The following MRPL13 variants were observed in gnomAD, a reference collection of about 807,000 sequenced individuals.
MRPL13 encodes mitochondrial ribosomal protein L13.
In MRPL13, 33 loss-of-function variants were observed where a neutral mutation model predicts 29.0. The observed-to-expected ratio is 1.14, with a 90% CI of 0.86 to 1.52. MRPL13 has a LOEUF of 1.52. MRPL13 is among the 40% of genes most tolerant of loss of function. MRPL13 has a pLI of 0.00. For missense variants in MRPL13, 227 were observed against 216.7 expected (o/e 1.05, Z -0.30); for synonymous variants, 77 against 68.4 (o/e 1.13, Z -0.62).
chr8:120,420,035 A>G (rs1385159854), intron 4 of MRPL13, 97 bp from the exon 5 acceptor site: 6 of 706,082 alleles, frequency 8.5e-6, no homozygotes, highest in Non-Finnish European at 1.3e-5. Flanking sequence ...AGGGGTTTAG[A>G]TTCAACACGA....
At chr8:120,431,286 T>G (rs143531943) in intron 3 of MRPL13, among the ~76,000 whole-genome samples, 1 of 152,170 alleles carries the variant, frequency 6.6e-6, no homozygotes, top group Non-Finnish European at 1.5e-5. Flanking sequence ...AAAGTACACT[T>G]AATTAAATGT....
chr8:120,413,518 C>G (rs187796909), intron 6 of MRPL13, among the ~76,000 whole-genome samples: 98 of 152,310 alleles, frequency 6.4e-4, no homozygotes, highest in South Asian at 2.3e-3. Flanking sequence ...AATGTTACAT[C>G]TTAGCAGCTT....
intron 2 of MRPL13, among the ~76,000 whole-genome samples, chr8:120,433,047 A>T (rs918474366): frequency 6.6e-6 from 1 of 152,144 alleles, no homozygotes; most frequent in African/African-American, 2.4e-5. Flanking sequence ...ACAGACGTTC[A>T]TAGTCTATAT....
intron 4 of MRPL13, among the ~76,000 whole-genome samples, chr8:120,422,374 C>T (rs1812882914): frequency 6.6e-6 from 1 of 151,286 alleles, no homozygotes; most frequent in African/African-American, 2.4e-5. Flanking sequence ...AAGTTTAGGT[C>T]TATCAATAGC....
At chr8:120,406,947 T>C (rs953796368) in intron 6 of MRPL13, among the ~76,000 whole-genome samples, 68 of 152,324 alleles carry the variant, frequency 4.5e-4, no homozygotes, top group African/African-American at 1.6e-3. Context: ...AACAGAACTT[T>C]AAAAAGCCTC....
At chr8:120,443,617 CT>C (rs80023422) in intron 1 of MRPL13, among the ~76,000 whole-genome samples, 2,911 of 137,136 alleles carry the variant, frequency 0.021, 57 homozygotes, top group African/African-American at 0.066. Flanking sequence ...TACGGTATGA[CT>C]TTTTTTTTTT....
In MRPL13 at chr8:120,401,168, T is replaced by G. The variant is rs571364136; in HGVS notation, c.516-5043A>C. On this transcript the variant is annotated intron_variant, in intron 6 of 6. Coordinates refer to ENST00000306185, the MANE Select transcript of MRPL13 (RefSeq NM_014078.6). The stretch of plus-strand genomic sequence containing the variant: ...TTATTTTATGAGGCCAGCATAATCC[T>G]AATACCAAAATCTAGCAGAGGTACA... Among the ~76,000 whole-genome samples, 17 of 152,278 alleles carry G rather than the reference T, an allele frequency of 1.1e-4. 1 individual carries two copies. The highest frequency in any genetic ancestry group is 3.4e-3 in the Middle Eastern group (1 of 294).
rs554556305 is a variant in MRPL13 at position 120,437,861 on chromosome 8, A to G, written c.151+5324T>C. ...ATTTGTAATATTATTTTTCTGGGAA[A>G]CTGTAGGTCAATTTTCAAAAAAAAT... On this transcript the variant is annotated intron_variant, in intron 2 of 6. Transcript: ENST00000306185. 5.9e-5 allele frequency among the ~76,000 whole-genome samples: 9 copies of G among 152,264 alleles called. No homozygotes were observed. The South Asian group carries it at 1.9e-3, about 32-fold the overall frequency.
At chr8:120,412,797 G>A (rs927150846) in intron 6 of MRPL13, among the ~76,000 whole-genome samples, 6 of 152,034 alleles carry the variant, frequency 3.9e-5, no homozygotes, top group Admixed American at 3.9e-4. Flanking sequence ...TGCAAGAAGG[G>A]GCATTCCAGC....
At chr8:120,396,215 A>C in intron 6 of MRPL13, 90 bp from the exon 7 acceptor site, 1 of 1,008,282 alleles carries the variant, frequency 9.9e-7, no homozygotes, top group South Asian at 1.5e-5. Context: ...TAAAATAAAA[A>C]TAACTGTTCA....
At chr8:120,402,813 C>G (rs1812615629) in intron 6 of MRPL13, among the ~76,000 whole-genome samples, 1 of 151,774 alleles carries the variant, frequency 6.6e-6, no homozygotes, top group Non-Finnish European at 1.5e-5. Flanking sequence ...AAAAAATAAC[C>G]CCATTAAAAA....
intron 4 of MRPL13, among the ~76,000 whole-genome samples, chr8:120,423,902 T>C (rs1048921271): frequency 7.9e-5 from 12 of 152,086 alleles, no homozygotes; most frequent in Non-Finnish European, 8.8e-5. Context: ...AGAAAGCTTG[T>C]AGATTGGGAG....
Position 120,445,068 on chromosome 8 carries a change from C to G in MRPL13, c.27G>C (p.Gln9His), listed in dbSNP as rs773318401. ...TCAAGCCATAAGAGTCCGAGCTCAC[C>G]TGGGGCGCCCTAGAGAAACTCGACA... MSSFSRAP[Q>H]QWATFARIWY... is the part of the protein sequence containing the mutation. The change falls in exon 1 of 7, where the codon CAG becomes CAC. Residue 9 changes from glutamine to histidine, a missense_variant and splice_region_variant. Transcript: ENST00000306185. 1.9e-6 allele frequency: 3 copies of G among 1,613,876 alleles called. No homozygotes were observed. Among genetic ancestry groups the G allele is most frequent in the Non-Finnish European group, 2.5e-6 (3 of 1,179,958 alleles).
chr8:120,444,586 G>GT (rs1227385030), intron 1 of MRPL13, among the ~76,000 whole-genome samples: 1 of 152,072 alleles, frequency 6.6e-6, no homozygotes, highest in Non-Finnish European at 1.5e-5. Context: ...CTGGATTACT[G>GT]TAACACCCTC....
intron 5 of MRPL13, among the ~76,000 whole-genome samples, chr8:120,417,607 T>C (rs1244944531): frequency 6.6e-6 from 1 of 152,184 alleles, no homozygotes; most frequent in East Asian, 1.9e-4. Context: ...CCCTTATTAT[T>C]ACCATGTGTT....
chr8:120,438,309 G>A (rs1813078124), intron 2 of MRPL13, among the ~76,000 whole-genome samples: 1 of 152,204 alleles, frequency 6.6e-6, no homozygotes, highest in Non-Finnish European at 1.5e-5. Flanking sequence ...CCATTGCACT[G>A]CAGCCTGGAT....
chr8:120,425,249 A>T, intron 4 of MRPL13, 57 bp downstream of exon 4: 1 of 1,334,314 alleles, frequency 7.5e-7, no homozygotes, highest in South Asian at 1.2e-5. Flanking sequence ...AGACTGACAA[A>T]ACAGTATCTG....
chr8:120,399,529 C>T (rs938858072), intron 6 of MRPL13, among the ~76,000 whole-genome samples: 5 of 152,168 alleles, frequency 3.3e-5, no homozygotes, highest in African/African-American at 1.2e-4. Context: ...CATTACCAGC[C>T]ACTACAAAAA....
chr8:120,429,166 T>TA (rs201616924), intron 3 of MRPL13, among the ~76,000 whole-genome samples: 269 of 151,786 alleles, frequency 1.8e-3, no homozygotes, highest in African/African-American at 6.2e-3. Context: ...TACATAGCCA[T>TA]AAAAAAAAGA....
Sources: allele counts gnomAD v4.1 joint callset (sites outside exome capture counted in the v4.1 genomes callset), GRCh38; gene constraint gnomAD v4.1.1; transcripts MANE v1.5; gene names NCBI Gene and HGNC (gene_info 2026-07-23, HGNC 2026-07-21).